ADCY7: variants seen among roughly 807,000 people sequenced by gnomAD.
ADCY7 encodes adenylate cyclase 7.
In ADCY7, 72 loss-of-function variants were observed where a neutral mutation model predicts 120.6. That is an observed-to-expected ratio of 0.60 (90% CI 0.49 to 0.73). The LOEUF is 0.73. Among genes scored for constraint, ADCY7 ranks in the 30% least tolerant of loss-of-function variants. ADCY7 has a pLI of 0.00. For synonymous variants in ADCY7, 661 were observed against 628.0 expected (o/e 1.05, Z -0.78); for missense variants, 1,227 against 1,486.0 (o/e 0.83, Z 2.87).
intron 1 of ADCY7, among the ~76,000 whole-genome samples, chr16:50,285,428 G>A (rs2034519573): frequency 6.6e-6 from 1 of 152,250 alleles, no homozygotes; most frequent in Admixed American, 6.5e-5. Flanking sequence ...TGGAATTGAG[G>A]TGGCCCCAGG....
intron 1 of ADCY7, among the ~76,000 whole-genome samples, chr16:50,257,391 T>C (rs1444446785): frequency 6.6e-6 from 1 of 152,174 alleles, no homozygotes; most frequent in Non-Finnish European, 1.5e-5. Flanking sequence ...ATAAGTTTTT[T>C]GAGACCTATT....
intron 18 of ADCY7, 44 bp from the exon 19 acceptor site, chr16:50,310,643 C>A (rs754057485): frequency 1.2e-6 from 2 of 1,606,588 alleles, no homozygotes; most frequent in South Asian, 2.2e-5. Flanking sequence ...GGCGAGAGTA[C>A]GTGGTGGGGT....
chr16:50,248,454 A>C (rs540192103), intron 1 of ADCY7, among the ~76,000 whole-genome samples: 1 of 152,366 alleles, frequency 6.6e-6, no homozygotes, highest in South Asian at 2.1e-4. Flanking sequence ...CATGGCCAGT[A>C]GGGGAGACCA....
upstream of ADCY7, among the ~76,000 whole-genome samples, chr16:50,265,343 GTGGCCTC>G (rs1277533740): frequency 2.1e-5 from 3 of 143,498 alleles, no homozygotes; most frequent in Non-Finnish European, 4.6e-5. Context: ...ACTCCCTCCT[GTGGCCTC>G]TGGAGCAGCC....
chr16:50,289,130 C>T (rs2034773012), intron 2 of ADCY7: 1 of 284,734 alleles, frequency 3.5e-6, no homozygotes, highest in Non-Finnish European at 7.0e-6. Context: ...CCCATGCAGA[C>T]ATCATTAATC....
At chr16:50,263,472 A>G (rs554396218), upstream of ADCY7, among the ~76,000 whole-genome samples, 1 of 152,200 alleles carries the variant, frequency 6.6e-6, no homozygotes, top group South Asian at 2.1e-4. Context: ...TGGGACAGGA[A>G]CCTTGATTAT....
Position 50,318,129 on chromosome 16 carries a change from A to G in ADCY7, c.*2624A>G, listed in dbSNP as rs2151123044. 1 of 152,374 alleles carries G rather than the reference A, an allele frequency of 6.6e-6. No individual in the cohort carries two copies. The highest frequency in any genetic ancestry group is 2.1e-4 in the South Asian group (1 of 4,830). The allele number at this position is 152,374 out of a possible 1,614,324, so 9.4% of individuals were successfully genotyped here. On this transcript the variant is annotated 3_prime_UTR_variant, in exon 26 of 26. Transcript: ENST00000673801. ...ATACATTAAATTAGCAATTTGAAAAACTCAAATATCTGAAGGTATTTTATT... is the reference window on the plus strand; with the variant it reads ...ATACATTAAATTAGCAATTTGAAAAGCTCAAATATCTGAAGGTATTTTATT...
In ADCY7 at chr16:50,314,013, C is replaced by T. The variant is rs370789208; in HGVS notation, c.2807C>T (p.Thr936Met). ...GAGAAGATCAAGACCATCGGCAGCACGTACATGGCAGCTGCAGGGCTCAGC... is the reference window on the plus strand; with the variant it reads ...GAGAAGATCAAGACCATCGGCAGCATGTACATGGCAGCTGCAGGGCTCAGC... ...GVEKIKTIGS[T>M]YMAAAGLSVA... The change falls in exon 23 of 26, where the codon ACG becomes ATG. Residue 936 changes from threonine to methionine, a missense_variant. This residue lies in a region of ADCY7 where 244 missense variants were observed against 332.8 expected (regional missense o/e 0.73). Coordinates refer to ENST00000673801, the MANE Select transcript of ADCY7 (RefSeq NM_001114.5). The T allele has an allele frequency of 2.4e-5, 38 of 1,614,180 alleles. No homozygotes were observed. The highest frequency in any genetic ancestry group is 2.4e-5 in the Non-Finnish European group (28 of 1,180,008).
Position 50,288,022 on chromosome 16 carries a change from G to C in ADCY7, c.-158G>C. 1 of 790,716 alleles carries C rather than the reference G, an allele frequency of 1.3e-6. No individual in the cohort carries two copies. Among genetic ancestry groups the C allele is most frequent in the East Asian group, 2.9e-5 (1 of 34,470 alleles). 49.0% of individuals were successfully genotyped at this position (790,716 alleles called of 1,614,324 possible). ...CTGTGCGGACCCCTTGTTGGCCATG[G>C]AGCAGCAGGCCCAGAGGCCCTCTCC... On this transcript the variant is annotated 5_prime_UTR_variant, in exon 2 of 26. Coordinates refer to ENST00000673801, the MANE Select transcript of ADCY7 (RefSeq NM_001114.5).
chr16:50,260,590 AG>A (rs2033032871), intron 1 of ADCY7, among the ~76,000 whole-genome samples: 1 of 152,176 alleles, frequency 6.6e-6, no homozygotes, highest in South Asian at 2.1e-4. Flanking sequence ...GTAGGTCAGG[AG>A]TTCAGGCTGA....
intron 18 of ADCY7, 178 bp from the exon 19 acceptor site, chr16:50,310,509 T>G: frequency 6.5e-7 from 1 of 1,538,614 alleles, no homozygotes; most frequent in Non-Finnish European, 8.7e-7. Flanking sequence ...GAAATAAAAC[T>G]ACAGTGAAAA....
intron 8 of ADCY7, among the ~76,000 whole-genome samples, chr16:50,300,363 C>T (rs1053305829): frequency 6.6e-6 from 1 of 152,198 alleles, no homozygotes; most frequent in Non-Finnish European, 1.5e-5. Flanking sequence ...TGAGCCACCA[C>T]GCCCGGCCCC....
chr16:50,261,442 G>T (rs564856560), intron 1 of ADCY7, among the ~76,000 whole-genome samples: 1 of 152,076 alleles, frequency 6.6e-6, no homozygotes, highest in Non-Finnish European at 1.5e-5. Flanking sequence ...GGGGGTCCCC[G>T]AGAGGCAGGA....
chr16:50,294,779 AGCCAG>A (rs772117582), intron 7 of ADCY7, 28 bp downstream of exon 7: 1 of 1,542,860 alleles, frequency 6.5e-7, no homozygotes, highest in South Asian at 1.1e-5. Context: ...CAATGGGCAA[AGCCAG>A]GCCCCTCCCC....
At chr16:50,275,690 G>A (rs1009975072) in intron 1 of ADCY7, among the ~76,000 whole-genome samples, 1 of 152,184 alleles carries the variant, frequency 6.6e-6, no homozygotes, top group Non-Finnish European at 1.5e-5. Flanking sequence ...CTGCGCATAT[G>A]TAGCTTTTCA....
intron 11 of ADCY7, among the ~76,000 whole-genome samples, 155 bp from the exon 12 acceptor site, chr16:50,304,770 C>T (rs915274461): frequency 6.6e-6 from 1 of 152,234 alleles, no homozygotes; most frequent in Non-Finnish European, 1.5e-5. Flanking sequence ...ATGCCTGGAC[C>T]ACGCTCAGCT....
At chr16:50,308,267 G>A in intron 15 of ADCY7, 60 bp from the exon 16 acceptor site, 3 of 1,613,838 alleles carry the variant, frequency 1.9e-6, no homozygotes, top group South Asian at 2.2e-5. Flanking sequence ...AGGATTGGTG[G>A]GGGCGGTGGT....
Position 50,304,375 on chromosome 16 carries a change from C to A in ADCY7, c.1384C>A (p.Pro462Thr). ...CTGCCCGCAGAGCCAGCAGCCACCC[C>A]CGCCCAGCCAACACCTCCCCAGGCC... Reference protein sequence around the residue: ...VIDPRSQQPPPPSQHLPRPKG... With the variant: ...VIDPRSQQPPTPSQHLPRPKG... The change falls in exon 11 of 26, where the codon CCG becomes ACG. Residue 462 changes from proline to threonine, a missense_variant. By Grantham distance (38) the Pro-to-Thr change is conservative. Transcript: ENST00000673801. 6.5e-7 allele frequency: 1 copy of A among 1,538,928 alleles called. No homozygotes were observed.
intron 1 of ADCY7, among the ~76,000 whole-genome samples, chr16:50,277,913 G>A (rs562414367): frequency 7.2e-5 from 11 of 151,880 alleles, no homozygotes; most frequent in South Asian, 4.2e-4. Flanking sequence ...CTCATGATCC[G>A]CCCACCTCGG....
Sources: allele counts gnomAD v4.1 joint callset (sites outside exome capture counted in the v4.1 genomes callset), GRCh38; gene constraint gnomAD v4.1.1; regional missense constraint gnomAD v4.1.1; transcripts MANE v1.5; gene names NCBI Gene and HGNC (gene_info 2026-07-23, HGNC 2026-07-21).